ZBTB7C: variants seen among roughly 807,000 people sequenced by gnomAD.
The protein encoded by ZBTB7C is zinc finger and BTB domain-containing protein 7C.
In ZBTB7C, 8 loss-of-function variants were observed where a neutral mutation model predicts 25.7. The observed-to-expected ratio is 0.31, with a 90% CI of 0.18 to 0.56. The LOEUF is 0.56. ZBTB7C is among the 20% of genes least tolerant of loss of function. The pLI, the probability that ZBTB7C is intolerant of heterozygous loss-of-function variation, is 0.91. For missense variants in ZBTB7C, 824 were observed against 855.2 expected (o/e 0.96, Z 0.46); for synonymous variants, 394 against 369.0 (o/e 1.07, Z -0.78).
intron 2 of ZBTB7C, among the ~76,000 whole-genome samples, chr18:48,295,815 CCAGCAG>C (rs764804791): frequency 6.6e-6 from 1 of 152,098 alleles, no homozygotes; most frequent in Non-Finnish European, 1.5e-5. Context: ...CTCCCTCAGC[CCAGCAG>C]CAGCAGGAGG....
At chr18:48,373,585 G>A (rs1440920281) in intron 1 of ZBTB7C, among the ~76,000 whole-genome samples, 1 of 152,154 alleles carries the variant, frequency 6.6e-6, no homozygotes, top group African/African-American at 2.4e-5. Flanking sequence ...GGATCATGGG[G>A]GCGGATTCTT....
rs556160899 is a variant in ZBTB7C at position 48,144,494 on chromosome 18, C to A, written c.-17+41440G>T. On this transcript the variant is annotated intron_variant, in intron 3 of 4. Coordinates refer to ENST00000590800, the MANE Select transcript of ZBTB7C (RefSeq NM_001318841.2). ...AAGTAGCTGGGACTACAGGTGCACA[C>A]CACCATGCCTGGCTAATTTTTGTAT... Among the ~76,000 whole-genome samples, 25 of 152,148 alleles carry A rather than the reference C, an allele frequency of 1.6e-4. No homozygotes were observed. The East Asian group carries it at 4.1e-3, about 25-fold the overall frequency.
At position 48,309,731 on chromosome 18, in the gene ZBTB7C, G is replaced by A. The variant is rs147543113; in HGVS notation, c.-79+28443C>T. The stretch of plus-strand genomic sequence containing the variant: ...AACCCTTTTAAGAGAGAGAAACTGA[G>A]TCTTATAAAAAATGTACTACATTAT... On this transcript the variant is annotated intron_variant, in intron 2 of 4. Coordinates refer to ENST00000590800, the MANE Select transcript of ZBTB7C (RefSeq NM_001318841.2). Among the ~76,000 whole-genome samples, 218 of 152,290 alleles carry A rather than the reference G, an allele frequency of 1.4e-3. 1 individual carries two copies. Among genetic ancestry groups the A allele is most frequent in the Middle Eastern group, 6.8e-3 (2 of 294 alleles).
intron 1 of ZBTB7C, among the ~76,000 whole-genome samples, chr18:48,382,733 T>C (rs2047660710): frequency 6.6e-6 from 1 of 152,230 alleles, no homozygotes; most frequent in African/African-American, 2.4e-5. Context: ...CTACTAAGTA[T>C]GCATAACTCC....
chr18:48,218,892 C>T (rs958708209), intron 2 of ZBTB7C, among the ~76,000 whole-genome samples: 1 of 152,100 alleles, frequency 6.6e-6, no homozygotes, highest in African/African-American at 2.4e-5. Flanking sequence ...GAGTGAAGGT[C>T]CCTCTCTCCC....
chr18:48,373,956 G>A (rs1430084750), intron 1 of ZBTB7C, among the ~76,000 whole-genome samples: 2 of 101,966 alleles, frequency 2.0e-5, no homozygotes, highest in Admixed American at 1.0e-4. Context: ...GCAAGACTCT[G>A]TCTCAAAAAA....
At chr18:48,297,977 T>A (rs943081556) in intron 2 of ZBTB7C, among the ~76,000 whole-genome samples, 2 of 152,080 alleles carry the variant, frequency 1.3e-5, no homozygotes, top group African/African-American at 4.8e-5. Flanking sequence ...TGTCCTAATA[T>A]CAAAGTAAAA....
At chr18:48,288,379 T>C (rs1320424466) in intron 2 of ZBTB7C, among the ~76,000 whole-genome samples, 1 of 151,998 alleles carries the variant, frequency 6.6e-6, no homozygotes, top group Non-Finnish European at 1.5e-5. Context: ...CTGGGCACCG[T>C]GGCTCACGCC....
At chr18:48,313,137 A>G (rs1370581390) in intron 2 of ZBTB7C, among the ~76,000 whole-genome samples, 4 of 152,216 alleles carry the variant, frequency 2.6e-5, no homozygotes, top group Non-Finnish European at 5.9e-5. Flanking sequence ...AGAGAGATTA[A>G]GCGAGTTATC....
At chr18:48,285,060 G>T (rs1192866799) in intron 2 of ZBTB7C, among the ~76,000 whole-genome samples, 1 of 152,186 alleles carries the variant, frequency 6.6e-6, no homozygotes, top group African/African-American at 2.4e-5. Flanking sequence ...TAATGGTATT[G>T]TTCATTGTTA....
chr18:48,230,240 A>G (rs1185595194), intron 2 of ZBTB7C, among the ~76,000 whole-genome samples: 1 of 152,168 alleles, frequency 6.6e-6, no homozygotes, highest in African/African-American at 2.4e-5. Flanking sequence ...CCTCTCCCCA[A>G]CACAGCAAGG....
chr18:48,158,894 C>G (rs1402542724), intron 3 of ZBTB7C, among the ~76,000 whole-genome samples: 1 of 152,192 alleles, frequency 6.6e-6, no homozygotes. Flanking sequence ...GGACAGGCTA[C>G]AGGGGAGCAT....
At chr18:48,127,570 C>T (rs978064991) in intron 3 of ZBTB7C, among the ~76,000 whole-genome samples, 2 of 152,220 alleles carry the variant, frequency 1.3e-5, no homozygotes, top group Non-Finnish European at 2.9e-5. Context: ...CCTTCGATGG[C>T]CCCCACTGGT....
At chr18:48,263,508 A>C (rs924994211) in intron 2 of ZBTB7C, among the ~76,000 whole-genome samples, 1 of 152,178 alleles carries the variant, frequency 6.6e-6, no homozygotes, top group African/African-American at 2.4e-5. Flanking sequence ...GACCTTAAAA[A>C]ATGTACTTAA....
chr18:48,161,321 C>T (rs1278636461), intron 3 of ZBTB7C, among the ~76,000 whole-genome samples: 1 of 151,900 alleles, frequency 6.6e-6, no homozygotes. Context: ...CTGGTGCCTC[C>T]CTTTGGCTAA....
intron 3 of ZBTB7C, among the ~76,000 whole-genome samples, chr18:48,070,584 A>G (rs1415957703): frequency 6.6e-6 from 1 of 152,216 alleles, no homozygotes; most frequent in African/African-American, 2.4e-5. Flanking sequence ...CTCCTAGAGA[A>G]GGGAAATCCC....
rs1221345393 is a variant in ZBTB7C at position 48,032,549 on chromosome 18, C to G, written c.1209-2638G>C. Among the ~76,000 whole-genome samples, 3 of 150,218 alleles carry G rather than the reference C, an allele frequency of 2.0e-5. No individual in the cohort carries two copies. In the Admixed American group the frequency reaches 2.0e-4, roughly 10 times the overall value. ...TCCCGGGTTCACACAATTCTCCTGC[C>G]TCAGCCTCCTGAGTAGCTGGGACTA... On this transcript the variant is annotated intron_variant, in intron 4 of 4. Transcript: ENST00000590800.
At chr18:48,135,085 C>T (rs1202756647) in intron 3 of ZBTB7C, among the ~76,000 whole-genome samples, 1 of 152,136 alleles carries the variant, frequency 6.6e-6, no homozygotes, top group Non-Finnish European at 1.5e-5. Flanking sequence ...AGGCTCCTTC[C>T]CAGGCTCCAT....
At chr18:48,105,027 G>A (rs1011664289) in intron 3 of ZBTB7C, among the ~76,000 whole-genome samples, 5 of 152,212 alleles carry the variant, frequency 3.3e-5, no homozygotes, top group Admixed American at 3.3e-4. Context: ...CCGCCTCTGT[G>A]GTTCTGCAGG....
Sources: allele counts gnomAD v4.1 joint callset (sites outside exome capture counted in the v4.1 genomes callset), GRCh38; gene constraint gnomAD v4.1.1; transcripts MANE v1.5; gene names NCBI Gene and HGNC (gene_info 2026-07-23, HGNC 2026-07-21).